Variants in DLGAP1 observed in about 807,000 individuals in gnomAD.
The protein encoded by DLGAP1 is DLG associated protein 1.
A neutral mutation model predicts 90.8 loss-of-function variants in DLGAP1; 11 were observed. The ratio of observed to expected loss-of-function variants is 0.12; its 90% CI spans 0.08 to 0.20. The LOEUF is 0.20. DLGAP1 is among the 10% of genes least tolerant of loss of function. The pLI is 1.00. For missense variants in DLGAP1, 1,050 were observed against 1,333.8 expected, an observed-to-expected ratio of 0.79 and a Z score of 3.31; for synonymous variants, 558 against 540.7, an observed-to-expected ratio of 1.03 and a Z score of -0.44.
chr18:3,621,464 T>C (rs1351521867), intron 7 of DLGAP1, among the ~76,000 whole-genome samples: 2 of 152,204 alleles, frequency 1.3e-5, no homozygotes, highest in Non-Finnish European at 2.9e-5. Context: ...CTGTACATAG[T>C]GAACTATATA....
chr18:3,742,950 C>T (rs764370214), intron 5 of DLGAP1, among the ~76,000 whole-genome samples: 9 of 17,892 alleles, frequency 5.0e-4, no homozygotes, highest in Non-Finnish European at 7.2e-4. Context: ...ATCAATTTAT[C>T]TTCCTTCCTT....
chr18:4,072,450 C>G (rs2075463232), intron 2 of DLGAP1, among the ~76,000 whole-genome samples: 1 of 149,746 alleles, frequency 6.7e-6, no homozygotes, highest in Non-Finnish European at 1.5e-5. Flanking sequence ...TGATCAACAT[C>G]ATCATCATTT....
intron 8 of DLGAP1, among the ~76,000 whole-genome samples, chr18:3,579,180 T>C (rs1223915858): frequency 2.0e-5 from 3 of 152,236 alleles, no homozygotes; most frequent in Non-Finnish European, 4.4e-5. Context: ...ATGTCCTTAG[T>C]GCCACTGAAC....
chr18:4,451,552 C>T (rs2083832518), intron 1 of DLGAP1, among the ~76,000 whole-genome samples: 1 of 152,164 alleles, frequency 6.6e-6, no homozygotes, highest in African/African-American at 2.4e-5. Context: ...TTCCTAGGAA[C>T]AGCATCTTTG....
At chr18:4,101,568 G>A (rs1169985280) in intron 2 of DLGAP1, among the ~76,000 whole-genome samples, 1 of 152,056 alleles carries the variant, frequency 6.6e-6, no homozygotes, top group East Asian at 1.9e-4. Flanking sequence ...ATAACGCAGG[G>A]TTGCCACAAA....
intron 5 of DLGAP1, among the ~76,000 whole-genome samples, chr18:3,785,726 C>T (rs1330093353): frequency 1.3e-5 from 2 of 152,154 alleles, no homozygotes; most frequent in Non-Finnish European, 2.9e-5. Flanking sequence ...ATGAGATTTA[C>T]AGGGATGGGA....
intron 2 of DLGAP1, among the ~76,000 whole-genome samples, chr18:4,075,630 G>C (rs1354137092): frequency 6.6e-6 from 1 of 152,136 alleles, no homozygotes; most frequent in East Asian, 1.9e-4. Flanking sequence ...ACAAAACTTA[G>C]AGACAGCTGG....
chr18:3,672,393 T>C (rs1053295747), intron 7 of DLGAP1, among the ~76,000 whole-genome samples: 2 of 151,420 alleles, frequency 1.3e-5, no homozygotes, highest in African/African-American at 4.8e-5. Context: ...GCCTGGGCAA[T>C]ATGGAGAAAC....
At chr18:4,327,192 A>G (rs1030300913) in intron 1 of DLGAP1, among the ~76,000 whole-genome samples, 2 of 152,090 alleles carry the variant, frequency 1.3e-5, no homozygotes, top group Non-Finnish European at 2.9e-5. Flanking sequence ...GTATTTCCCA[A>G]CTGCTAACAT....
intron 6 of DLGAP1, among the ~76,000 whole-genome samples, chr18:3,740,950 C>T (rs1236775177): frequency 2.1e-5 from 3 of 142,274 alleles, no homozygotes; most frequent in Non-Finnish European, 4.6e-5. Context: ...ACTGCCACCA[C>T]TGTCACCACC....
chr18:4,180,363 A>G (rs937977739), intron 1 of DLGAP1, among the ~76,000 whole-genome samples: 3 of 152,178 alleles, frequency 2.0e-5, no homozygotes, highest in African/African-American at 7.2e-5. Context: ...GTCCCAAACA[A>G]AATGGGAGAG....
At position 4,081,335 on chromosome 18, in the gene DLGAP1, A is replaced by C. The variant is rs1256657411; in HGVS notation, c.-159+69845T>G. Among the ~76,000 whole-genome samples the C allele has an allele frequency of 3.3e-5, 5 of 150,112 alleles. No individual in the cohort carries two copies. In the East Asian group the frequency reaches 7.8e-4, roughly 23 times the overall value. On this transcript the variant is annotated intron_variant, in intron 2 of 12. Transcript: ENST00000315677. ...CGTCTCAGGAAAAAAAAAAAAAAGT[A>C]ATCTGCCTTTGTCAGTTGACCTTCC... is the stretch of plus-strand genomic sequence containing the variant.
intron 1 of DLGAP1, among the ~76,000 whole-genome samples, chr18:4,286,303 G>C (rs1444552417): frequency 6.6e-6 from 1 of 152,122 alleles, no homozygotes; most frequent in Non-Finnish European, 1.5e-5. Flanking sequence ...CTATTTGAAA[G>C]GAAACAACAC....
In DLGAP1 at chr18:4,102,544, T is replaced by G. The variant is rs574151241; in HGVS notation, c.-159+48636A>C. On this transcript the variant is annotated intron_variant, in intron 2 of 12. Transcript: ENST00000315677. ...AGAATAAAAGCAACATCCTACAAAA[T>G]GGAGCAGACAAAAGGCAGACACAGG... Among the ~76,000 whole-genome samples the G allele has an allele frequency of 3.3e-5, 5 of 152,266 alleles. No individual in the cohort carries two copies. The East Asian group carries it at 9.7e-4, about 29-fold the overall frequency.
At chr18:4,103,770 T>G (rs2075816813) in intron 2 of DLGAP1, among the ~76,000 whole-genome samples, 1 of 152,168 alleles carries the variant, frequency 6.6e-6, no homozygotes. Flanking sequence ...TCTTTGAAAA[T>G]CAAGTAGGTT....
At chr18:3,576,884 C>T (rs532946293) in intron 8 of DLGAP1, among the ~76,000 whole-genome samples, 13 of 122,468 alleles carry the variant, frequency 1.1e-4, no homozygotes, top group African/African-American at 2.9e-4. Context: ...TTTCTTGAGA[C>T]GGCGTTTCAC....
At chr18:3,555,537 G>A (rs1568186878) in intron 9 of DLGAP1, among the ~76,000 whole-genome samples, 1 of 152,150 alleles carries the variant, frequency 6.6e-6, no homozygotes. Flanking sequence ...GAGGCCGGGG[G>A]CAGTGGCTCA....
intron 10 of DLGAP1, among the ~76,000 whole-genome samples, chr18:3,532,522 G>C (rs1473113489): frequency 6.7e-6 from 1 of 149,678 alleles, no homozygotes; most frequent in African/African-American, 2.5e-5. Context: ...ACGTTGCGGT[G>C]AGCCAAGATG....
intron 1 of DLGAP1, among the ~76,000 whole-genome samples, chr18:4,435,730 T>G (rs1193508996): frequency 6.6e-6 from 1 of 152,216 alleles, no homozygotes; most frequent in Non-Finnish European, 1.5e-5. Flanking sequence ...AAAAATGTAA[T>G]TCTGGAGAGA....
Sources: allele counts gnomAD v4.1 joint callset (sites outside exome capture counted in the v4.1 genomes callset), GRCh38; gene constraint gnomAD v4.1.1; transcripts MANE v1.5; gene names NCBI Gene and HGNC (gene_info 2026-07-23, HGNC 2026-07-21).